Variants in XIRP2 observed in about 807,000 individuals in gnomAD.
XIRP2 encodes xin actin-binding repeat-containing protein 2.
Under a neutral mutation model 277.0 loss-of-function variants are expected in XIRP2, and 236 were observed. The observed-to-expected ratio is 0.85, with a 90% CI of 0.77 to 0.95. The LOEUF is 0.95. Among genes scored for constraint, XIRP2 ranks in the 40% least tolerant of loss-of-function variants. The pLI, the probability that XIRP2 is intolerant of heterozygous loss-of-function variation, is 0.00. For missense variants in XIRP2, 4,640 were observed against 4,157.5 expected (o/e 1.12, Z -3.19); for synonymous variants, 1,490 against 1,416.5 (o/e 1.05, Z -1.17).
chr2:167,109,169 A>G (rs145315317), intron 2 of XIRP2, among the ~76,000 whole-genome samples: 34 of 152,018 alleles, frequency 2.2e-4, no homozygotes, highest in African/African-American at 7.7e-4. Flanking sequence ...ATGTCCTCCA[A>G]CTCTATCTAT....
At chr2:167,253,346 A>ACTACAT (rs2105452108) in intron 9 of XIRP2, among the ~76,000 whole-genome samples, 1 of 151,980 alleles carries the variant, frequency 6.6e-6, no homozygotes, top group East Asian at 2.0e-4. Context: ...ATGTAGGAAA[A>ACTACAT]CTACATAAGC....
chr2:167,065,363 G>A (rs888192734), intron 2 of XIRP2, among the ~76,000 whole-genome samples: 4 of 151,720 alleles, frequency 2.6e-5, no homozygotes, highest in African/African-American at 7.3e-5. Context: ...GTAGTGTTTT[G>A]TTGATGTTGT....
chr2:166,914,333 A>G (rs1005383057), intron 2 of XIRP2, among the ~76,000 whole-genome samples: 1 of 151,582 alleles, frequency 6.6e-6, no homozygotes, highest in African/African-American at 2.4e-5. Flanking sequence ...TGTGTGCCAT[A>G]TTTTTTTTGT....
rs78400063 is a variant in XIRP2 at position 166,968,843 on chromosome 2, C to T, written c.408+64953C>T. Among the ~76,000 whole-genome samples the T allele has an allele frequency of 6.1e-3, 924 of 151,994 alleles. 75 individuals are homozygous for T. In the East Asian group the frequency reaches 0.16, roughly 26 times the overall value. Reference sequence around the variant, plus strand: ...AAACACAATGATGCTATAACAATAACATTTACAAGAGATAAATGGTTCTAA... The same window carrying T: ...AAACACAATGATGCTATAACAATAATATTTACAAGAGATAAATGGTTCTAA... On this transcript the variant is annotated intron_variant, in intron 2 of 10. Transcript: ENST00000409195.
chr2:167,088,240 T>C (rs1278237630), intron 2 of XIRP2, among the ~76,000 whole-genome samples: 1 of 152,134 alleles, frequency 6.6e-6, no homozygotes, highest in African/African-American at 2.4e-5. Context: ...CACCATCCCC[T>C]AAAGCAGGAA....
intron 2 of XIRP2, among the ~76,000 whole-genome samples, chr2:166,905,560 ATTAGT>A (rs2105338846): frequency 6.6e-6 from 1 of 152,092 alleles, no homozygotes; most frequent in Admixed American, 6.6e-5. Flanking sequence ...TAAAAATGAG[ATTAGT>A]TTAGTATATG....
chr2:167,089,841 T>C (rs534778868), intron 2 of XIRP2, among the ~76,000 whole-genome samples: 1 of 152,236 alleles, frequency 6.6e-6, no homozygotes, highest in South Asian at 2.1e-4. Flanking sequence ...AAAACGTTTT[T>C]GCTCTTCAAA....
chr2:167,143,003 AG>A (rs1691765385), intron 3 of XIRP2, among the ~76,000 whole-genome samples: 1 of 152,204 alleles, frequency 6.6e-6, no homozygotes, highest in Non-Finnish European at 1.5e-5. Flanking sequence ...GAACAAAGGC[AG>A]GAAGAGAAGT....
In XIRP2 at chr2:167,249,490, C is replaced by T; in HGVS notation, c.8098C>T (p.Gln2700Ter). The T allele has an allele frequency of 6.2e-7, 1 of 1,613,722 alleles. No homozygotes were observed. The highest frequency in any genetic ancestry group is 2.2e-5 in the East Asian group (1 of 44,848). Residue 2700 changes from glutamine (Q) to a stop codon, truncating the protein, a stop_gained, in exon 9 of 11, where the codon CAA becomes TAA. Coordinates refer to ENST00000409195, the MANE Select transcript of XIRP2 (RefSeq NM_152381.6). LOFTEE classifies it high-confidence loss of function. ...GTATTTGGAGCAGTTGCACTTGCCC[C>T]AAAGCAAACCAATTTCCCCAAATTT... ...KKYLEQLHLP[Q>*]SKPISPNFKV... is the part of the protein sequence containing the mutation.
intron 2 of XIRP2, among the ~76,000 whole-genome samples, chr2:167,077,911 T>C (rs180755134): frequency 2.0e-5 from 3 of 152,372 alleles, no homozygotes; most frequent in East Asian, 3.9e-4. Flanking sequence ...GGTAATATGA[T>C]GCCTCTGGCT....
intron 2 of XIRP2, among the ~76,000 whole-genome samples, chr2:166,986,358 A>C (rs1460091103): frequency 6.6e-6 from 1 of 152,222 alleles, no homozygotes; most frequent in Non-Finnish European, 1.5e-5. Flanking sequence ...GCCACTGGAG[A>C]GAGGATTTTT....
intron 3 of XIRP2, among the ~76,000 whole-genome samples, chr2:167,186,622 G>C (rs922299069): frequency 6.6e-6 from 1 of 152,134 alleles, no homozygotes; most frequent in Non-Finnish European, 1.5e-5. Flanking sequence ...GGCAGCATGT[G>C]TTTGGTAAGT....
intron 2 of XIRP2, among the ~76,000 whole-genome samples, chr2:166,933,153 A>AT (rs111796420): frequency 0.026 from 3,770 of 144,390 alleles, 56 homozygotes; most frequent in Non-Finnish European, 0.04. Context: ...TTATATATCA[A>AT]TTTTTTTTTT....
chr2:167,229,593 T>C (rs1694696969), intron 5 of XIRP2, among the ~76,000 whole-genome samples: 1 of 152,154 alleles, frequency 6.6e-6, no homozygotes, highest in South Asian at 2.1e-4. Context: ...TAGCTCTTTC[T>C]GCTTCTTCTG....
chr2:167,052,849 G>A (rs550990657), intron 2 of XIRP2, among the ~76,000 whole-genome samples: 1 of 152,298 alleles, frequency 6.6e-6, no homozygotes, highest in East Asian at 1.9e-4. Flanking sequence ...AAAAGTATTT[G>A]AGGGACTTAG....
intron 2 of XIRP2, among the ~76,000 whole-genome samples, chr2:167,070,184 T>C (rs1431675131): frequency 1.3e-5 from 2 of 152,052 alleles, no homozygotes; most frequent in Admixed American, 1.3e-4. Flanking sequence ...CATAGTCATG[T>C]GCTCCTTGAA....
intron 2 of XIRP2, among the ~76,000 whole-genome samples, chr2:167,110,337 A>T (rs1214580796): frequency 6.6e-6 from 1 of 152,092 alleles, no homozygotes; most frequent in African/African-American, 2.4e-5. Flanking sequence ...TCTGGAGTTG[A>T]TTTTTGTATG....
intron 2 of XIRP2, among the ~76,000 whole-genome samples, chr2:167,050,245 A>G (rs148224551): frequency 1.3e-5 from 2 of 152,200 alleles, no homozygotes; most frequent in East Asian, 1.9e-4. Context: ...GCTGTTACAT[A>G]TAGCTCTGAA....
In XIRP2 at chr2:167,246,133, C is replaced by T. The variant is rs1463885978; in HGVS notation, c.4741C>T (p.Arg1581Ter). 6.2e-6 allele frequency: 10 copies of T among 1,612,908 alleles called. No individual in the cohort carries two copies. Among genetic ancestry groups the T allele is most frequent in the Admixed American group, 5.0e-5 (3 of 59,844 alleles). ...TGAAGCTGATGAAATAGGGGATGTT[C>T]GAATGGCAAAATACAAGCTAATGAA... Reference protein sequence around the residue: ...IIEADEIGDVRMAKYKLMNQA... With the variant: ...IIEADEIGDV Residue 1581 changes from arginine to a stop codon, truncating the protein, a stop_gained, in exon 9 of 11, where the codon CGA (arginine) becomes TGA (stop). Transcript: ENST00000409195. LOFTEE classifies it high-confidence loss of function.
Sources: gnomAD v4.1 joint callset for allele counts (sites outside exome capture counted in the v4.1 genomes callset) on GRCh38, gnomAD v4.1.1 for gene constraint, MANE v1.5 for transcripts, NCBI Gene and HGNC (gene_info 2026-07-23, HGNC 2026-07-21) for gene names.